Variants in RORA observed in about 807,000 individuals in gnomAD.
RORA encodes the protein RAR related orphan receptor A.
A neutral mutation model predicts 69.5 loss-of-function variants in RORA; 7 were observed. The observed-to-expected ratio is 0.10, with a 90% CI of 0.06 to 0.19. The LOEUF (loss-of-function observed/expected upper bound fraction) is 0.19. RORA is among the 10% of genes least tolerant of loss of function. RORA has a pLI of 1.00. For synonymous variants in RORA, 261 were observed against 240.8 expected (o/e 1.08, Z -0.78); for missense variants, 457 against 663.0 (o/e 0.69, Z 3.41).
At chr15:60,497,898 A>T (rs1309561265) in intron 10 of RORA, among the ~76,000 whole-genome samples, 1 of 145,496 alleles carries the variant, frequency 6.9e-6, no homozygotes, top group East Asian at 2.0e-4. Flanking sequence ...GTCTCTACCT[A>T]AAAAAAAAAA....
At chr15:60,628,851 A>G (rs1228774398) in intron 2 of RORA, among the ~76,000 whole-genome samples, 2 of 152,218 alleles carry the variant, frequency 1.3e-5, no homozygotes, top group African/African-American at 4.8e-5. Context: ...TTGCAGCTCA[A>G]GAGATGAATT....
rs545168599 is a variant in RORA at position 60,943,916 on chromosome 15, C to CAAAAAAAAAAA, written c.167-265241_167-265231dup. On this transcript the variant is annotated intron_variant, in intron 1 of 10. Transcript: ENST00000335670. ...GGGTGACAGAGCCAGACTCCATCTC[C>CAAAAAAAAAAA]AAAAAAAAAAAAAAAAAAAAAAAAG... 3.7e-3 allele frequency among the ~76,000 whole-genome samples: 120 copies of CAAAAAAAAAAA among 32,354 alleles called. 14 individuals carry two copies. The highest frequency in any genetic ancestry group is 0.013 in the African/African-American group (115 of 9,026). The allele number at this position is 32,354 out of a possible 152,430, so 21.2% of individuals were successfully genotyped here. A position where few individuals can be genotyped will look rare whatever the true frequency, so the allele number is the denominator to read the frequency against.
chr15:61,168,242 ATTTT>A (rs1441158962), intron 1 of RORA, among the ~76,000 whole-genome samples: 1 of 151,212 alleles, frequency 6.6e-6, no homozygotes, highest in Non-Finnish European at 1.5e-5. Flanking sequence ...GTGTGTATGT[ATTTT>A]GAGACGGAGT....
In RORA at chr15:60,582,214, A is replaced by C. The variant is rs1336329159; in HGVS notation, c.197-50363T>G. On this transcript the variant is annotated intron_variant, in intron 2 of 10. Transcript: ENST00000335670. Reference sequence around the variant, plus strand: ...TAAATTTATTTAAATAGCATAAAGTAATTACCTCTTTCTGTCTTAAATTTT... The same window carrying C: ...TAAATTTATTTAAATAGCATAAAGTCATTACCTCTTTCTGTCTTAAATTTT... Among the ~76,000 whole-genome samples the C allele has an allele frequency of 2.0e-5, 3 of 152,232 alleles. No individual in the cohort carries two copies. In the South Asian group the frequency reaches 6.2e-4, roughly 31 times the overall value.
At chr15:60,592,629 GGGCGGGAGGCGGGAGGCGGGA>G (rs371824358) in intron 2 of RORA, 5 of 1,130,976 alleles carry the variant, frequency 4.4e-6, no homozygotes, top group East Asian at 4.7e-5. Flanking sequence ...CTTCCTCCCG[GGGCGGGAGGCGGGAGGCGGGA>G]GGCGGGAGGC....
chr15:60,743,538 G>A (rs531085465), intron 1 of RORA, among the ~76,000 whole-genome samples: 3 of 152,324 alleles, frequency 2.0e-5, no homozygotes, highest in East Asian at 3.9e-4. Flanking sequence ...GAAGATGAGT[G>A]AGCTTCAATC....
At chr15:61,161,879 C>T (rs2079499009) in intron 1 of RORA, among the ~76,000 whole-genome samples, 1 of 151,962 alleles carries the variant, frequency 6.6e-6, no homozygotes, top group African/African-American at 2.4e-5. Flanking sequence ...GGCAATAGTT[C>T]AATAAATTAT....
intron 2 of RORA, among the ~76,000 whole-genome samples, chr15:60,658,241 C>T (rs1465337732): frequency 6.6e-6 from 1 of 151,926 alleles, no homozygotes; most frequent in Non-Finnish European, 1.5e-5. Flanking sequence ...CCATCACGCC[C>T]AGCTAGTTTC....
At chr15:60,792,279 A>G (rs959982171) in intron 1 of RORA, among the ~76,000 whole-genome samples, 1 of 152,196 alleles carries the variant, frequency 6.6e-6, no homozygotes, top group African/African-American at 2.4e-5. Context: ...ATAATGAAGA[A>G]GAGTGAACAG....
chr15:60,940,667 C>T (rs1284455688), intron 1 of RORA, among the ~76,000 whole-genome samples: 2 of 152,142 alleles, frequency 1.3e-5, no homozygotes, highest in African/African-American at 2.4e-5. Context: ...TTGTAGTCAG[C>T]CTGTAATCCC....
intron 1 of RORA, among the ~76,000 whole-genome samples, chr15:61,139,155 A>G (rs2079273882): frequency 6.6e-6 from 1 of 152,184 alleles, no homozygotes; most frequent in Non-Finnish European, 1.5e-5. Context: ...AAAAAAAAAA[A>G]AAGTTAAAAA....
chr15:60,785,961 A>G (rs1171603592), intron 1 of RORA, among the ~76,000 whole-genome samples: 2 of 75,992 alleles, frequency 2.6e-5, no homozygotes, highest in Admixed American at 3.3e-4. Flanking sequence ...GGCACCTCAC[A>G]AGGTTGGTAC....
In RORA at chr15:61,131,541, G is replaced by A. The variant is rs1156816565; in HGVS notation, c.166+97512C>T. 2.0e-5 allele frequency among the ~76,000 whole-genome samples: 3 copies of A among 152,070 alleles called. No homozygotes were observed. Among genetic ancestry groups the A allele is most frequent in the African/African-American group, 7.2e-5 (3 of 41,418 alleles). Reference sequence around the variant, plus strand: ...TTATAGGGGACTTTGGCCATCCACTGGAAAACTGGAGGAACTGGGATCTAG... The same window carrying A: ...TTATAGGGGACTTTGGCCATCCACTAGAAAACTGGAGGAACTGGGATCTAG... On this transcript the variant is annotated intron_variant, in intron 1 of 10. Transcript: ENST00000335670. The surrounding 1 kb of genome is among the most constrained non-coding windows in gnomAD (Gnocchi z 4.2).
At chr15:60,750,255 C>CAT (rs2071704769) in intron 1 of RORA, among the ~76,000 whole-genome samples, 1 of 152,158 alleles carries the variant, frequency 6.6e-6, no homozygotes, top group South Asian at 2.1e-4. Flanking sequence ...AGACCCAGGT[C>CAT]ATATCTACAG....
intron 2 of RORA, chr15:60,556,818 A>G (rs767839905): frequency 6.6e-7 from 1 of 1,515,274 alleles, no homozygotes; most frequent in East Asian, 2.3e-5. Flanking sequence ...GTAAATGAAG[A>G]AACCTTGCAA....
chr15:60,981,148 C>T (rs1026529572), intron 1 of RORA, among the ~76,000 whole-genome samples: 2 of 151,246 alleles, frequency 1.3e-5, no homozygotes, highest in Non-Finnish European at 2.9e-5. Context: ...CTTTGGCCTC[C>T]ATGGTTTGTG....
At chr15:60,684,702 A>C (rs1023209464) in intron 1 of RORA, among the ~76,000 whole-genome samples, 3 of 152,208 alleles carry the variant, frequency 2.0e-5, no homozygotes, top group African/African-American at 7.2e-5. Context: ...TTTGCAAGTG[A>C]ATGTGGCAGG....
At chr15:60,618,329 C>T (rs925722249) in intron 2 of RORA, among the ~76,000 whole-genome samples, 2 of 152,188 alleles carry the variant, frequency 1.3e-5, no homozygotes, top group African/African-American at 4.8e-5. Context: ...TCTGCTCTGA[C>T]CCCTGCCTAC....
intron 1 of RORA, among the ~76,000 whole-genome samples, chr15:61,149,761 G>A (rs2079382138): frequency 6.6e-6 from 1 of 152,194 alleles, no homozygotes; most frequent in Admixed American, 6.5e-5. Context: ...CCCCAGAGGA[G>A]AAAACTTCAG....
Sources: allele counts gnomAD v4.1 joint callset (sites outside exome capture counted in the v4.1 genomes callset), GRCh38; gene constraint gnomAD v4.1.1; non-coding constraint Gnocchi (gnomAD v3.1); transcripts MANE v1.5; gene names NCBI Gene and HGNC (gene_info 2026-07-23, HGNC 2026-07-21).